Variants in FANCD2 observed in about 807,000 individuals in gnomAD.
FANCD2 encodes the protein FA complementation group D2.
Under a neutral mutation model 192.3 loss-of-function variants are expected in FANCD2, and 131 were observed. That is an observed-to-expected ratio of 0.68 (90% CI 0.59 to 0.79). The LOEUF is 0.79. Among genes scored for constraint, FANCD2 ranks in the 30% least tolerant of loss-of-function variants. FANCD2 has a pLI of 0.00. For missense variants in FANCD2, 1,508 were observed against 1,701.6 expected, an observed-to-expected ratio of 0.89 and a Z score of 2.00; for synonymous variants, 524 against 612.5, an observed-to-expected ratio of 0.86 and a Z score of 2.13.
At position 10,096,334 on chromosome 3, in the gene FANCD2, G is replaced by A. The variant is rs370343891; in HGVS notation, c.4047G>A (p.Gln1349=). The A allele has an allele frequency of 1.2e-6, 2 of 1,613,906 alleles. No homozygotes were observed. Among genetic ancestry groups the A allele is most frequent in the African/African-American group, 2.7e-5 (2 of 74,882 alleles). ...TATTTATTTCCATTCAGATTCACCA[G>A]GACACGAGACTCACCCAACATGTGC... The part of the protein sequence containing the change: ...HHLCGHSKIH[Q]DTRLTQHVPL... Residue 1349 remains glutamine (Q), a synonymous_variant, in exon 42 of 44, where the codon CAG becomes CAA. Transcript: ENST00000675286.
chr3:10,056,490 TTTC>T (rs545951075), intron 18 of FANCD2, among the ~76,000 whole-genome samples: 41 of 152,234 alleles, frequency 2.7e-4, no homozygotes, highest in Non-Finnish European at 4.9e-4. Flanking sequence ...TGTATTTTCC[TTTC>T]TTAAAAATTT....
At chr3:10,066,697 T>C (rs2087727813) in intron 25 of FANCD2, among the ~76,000 whole-genome samples, 1 of 152,144 alleles carries the variant, frequency 6.6e-6, no homozygotes, top group African/African-American at 2.4e-5. Flanking sequence ...TAGTAATAAG[T>C]AAAACTAGGG....
In FANCD2 at chr3:10,090,297, C is replaced by T. The variant is rs773540135; in HGVS notation, c.3689C>T (p.Thr1230Ile). 1.2e-6 allele frequency: 2 copies of T among 1,613,104 alleles called. No homozygotes were observed. Among genetic ancestry groups the T allele is most frequent in the East Asian group, 2.2e-5 (1 of 44,866 alleles). Residue 1230 changes from threonine to isoleucine, a missense_variant, in exon 37 of 44, where the codon ACT (threonine) becomes ATT (isoleucine). By Grantham distance (89) the Thr-to-Ile change is moderately conservative. Coordinates refer to ENST00000675286, the MANE Select transcript of FANCD2 (RefSeq NM_001018115.3). ...SSTFPTLTRHTFVVFFRVMMA... is the reference protein window; with the variant it reads ...SSTFPTLTRHIFVVFFRVMMA... ...ATGCTTTTCCCGTCTTCTAGGCATA[C>T]TTTTGTTGTTTTCTTCCGTGTGATG...
chr3:10,048,637 G>A (rs1296651912), intron 16 of FANCD2, among the ~76,000 whole-genome samples: 1 of 152,172 alleles, frequency 6.6e-6, no homozygotes, highest in African/African-American at 2.4e-5. Context: ...ATCCAGAGAG[G>A]GAGGACTGTA....
chr3:10,078,982 T>A (rs1159577101), intron 30 of FANCD2, among the ~76,000 whole-genome samples: 1 of 151,678 alleles, frequency 6.6e-6, no homozygotes, highest in African/African-American at 2.4e-5. Flanking sequence ...GGTTCACACC[T>A]GTAATTCCAG....
intron 1 of FANCD2, among the ~76,000 whole-genome samples, chr3:10,027,644 G>T (rs1409568966): frequency 6.6e-6 from 1 of 151,244 alleles, no homozygotes; most frequent in South Asian, 2.1e-4. Flanking sequence ...GTTGGCTCAC[G>T]CCTGTAATCC....
chr3:10,036,683 ATTTTTT>A (rs113017725), intron 7 of FANCD2, among the ~76,000 whole-genome samples: 2 of 144,370 alleles, frequency 1.4e-5, no homozygotes, highest in African/African-American at 5.0e-5. Context: ...TCAAAACAGA[ATTTTTT>A]TTTTTTTTTT....
At chr3:10,045,164 G>GTTTTGTTTTGTTTTTGT (rs1553608563) in intron 14 of FANCD2, among the ~76,000 whole-genome samples, 6 of 145,242 alleles carry the variant, frequency 4.1e-5, no homozygotes, top group African/African-American at 1.6e-4. Flanking sequence ...TTTTTGTTTT[G>GTTTTGTTTTGTTTTTGT]TTTTGTTTTT....
intron 26 of FANCD2, among the ~76,000 whole-genome samples, chr3:10,069,587 G>T (rs967951870): frequency 2.0e-5 from 3 of 150,562 alleles, no homozygotes; most frequent in Non-Finnish European, 4.4e-5. Context: ...TCAGCCTGCC[G>T]AGTGCCTGCG....
In FANCD2 at chr3:10,092,199, C is replaced by T. The variant is rs1010539505; in HGVS notation, c.3796C>T (p.Leu1266Phe). Reference protein sequence around the residue: ...DSQQIHEEKLLYWNMAVRDFS... With the variant: ...DSQQIHEEKLFYWNMAVRDFS... The stretch of plus-strand genomic sequence containing the variant: ...GCCCCAGATTCATGAAGAGAAACTC[C>T]TCTACTGGAACATGGCTGTTCGAGA... The change falls in exon 38 of 44, where the codon CTC becomes TTC. Residue 1266 changes from leucine (L) to phenylalanine (F), a missense_variant. Around this residue, in one of 5 missense-constraint regions of FANCD2, gnomAD observed 796 missense variants for 879.4 expected, o/e 0.91. Coordinates refer to ENST00000675286, the MANE Select transcript of FANCD2 (RefSeq NM_001018115.3). The T allele has an allele frequency of 6.2e-7, 1 of 1,614,004 alleles. No individual in the cohort carries two copies. The highest frequency in any genetic ancestry group is 8.5e-7 in the Non-Finnish European group (1 of 1,179,886).
intron 3 of FANCD2, 61 bp from the exon 4 acceptor site, chr3:10,034,408 T>A: frequency 8.4e-7 from 1 of 1,193,834 alleles, no homozygotes; most frequent in Non-Finnish European, 1.3e-6. Flanking sequence ...GAAACTTGGG[T>A]TTTTAGAGAA....
chr3:10,040,699 C>A, intron 9 of FANCD2: 1 of 375,066 alleles, frequency 2.7e-6, no homozygotes, highest in Non-Finnish European at 5.2e-6. Context: ...TTTTATTGTA[C>A]TAGAAGTATT....
At chr3:10,061,663 G>T (rs905311412) in intron 19 of FANCD2, among the ~76,000 whole-genome samples, 1 of 151,954 alleles carries the variant, frequency 6.6e-6, no homozygotes, top group African/African-American at 2.4e-5. Context: ...TTGCTAATTT[G>T]CCCTTAAAAA....
At chr3:10,045,251 C>G (rs964560187) in intron 14 of FANCD2, among the ~76,000 whole-genome samples, 2 of 152,038 alleles carry the variant, frequency 1.3e-5, no homozygotes, top group Admixed American at 1.3e-4. Context: ...TCACTGCAAG[C>G]TCCGCCTCCT....
At position 10,039,155 on chromosome 3, in the gene FANCD2, G is replaced by A. The variant is rs1332388686; in HGVS notation, c.492-124G>A. On this transcript the variant is annotated intron_variant, in intron 7 of 43. Coordinates refer to ENST00000675286, the MANE Select transcript of FANCD2 (RefSeq NM_001018115.3). ...TCACTTGTGTGTCTAGTGCAGTGCC[G>A]AATGCATAGTAGGTGTTCGGTAAAT... is the stretch of plus-strand genomic sequence containing the variant. 5.3e-5 allele frequency: 34 copies of A among 644,276 alleles called. No homozygotes were observed. The South Asian group carries it at 5.3e-4, about 10-fold the overall frequency. The allele number at this position is 644,276 out of a possible 1,614,324, so 39.9% of individuals were successfully genotyped here. A position where few individuals can be genotyped will look rare whatever the true frequency, so the allele number is the denominator to read the frequency against.
rs55804747 is a variant in FANCD2 at position 10,064,664 on chromosome 3, G to C, written c.2022-65G>C. 3.2e-6 allele frequency: 5 copies of C among 1,565,152 alleles called. No individual in the cohort carries two copies. The East Asian group carries it at 1.1e-4, about 35-fold the overall frequency. The stretch of plus-strand genomic sequence containing the variant: ...TTGTGTTTGAAATTGGTTTGCTCTA[G>C]TGGTTTTCCCTGTAGCCTTGCGTAT... On this transcript the variant is annotated intron_variant, in intron 22 of 43. Coordinates refer to ENST00000675286, the MANE Select transcript of FANCD2 (RefSeq NM_001018115.3).
chr3:10,035,300 T>G, intron 6 of FANCD2, 67 bp downstream of exon 6: 1 of 1,339,148 alleles, frequency 7.5e-7, no homozygotes, highest in South Asian at 1.2e-5. Flanking sequence ...CAAGTCTAAA[T>G]AGCGGGAACA....
At chr3:10,065,366 G>T (rs769846364) in intron 23 of FANCD2, 28 bp from the exon 24 acceptor site, 4 of 1,438,584 alleles carry the variant, frequency 2.8e-6, no homozygotes, top group Non-Finnish European at 3.9e-6. Flanking sequence ...TATGAAGTGT[G>T]GTCTAGAAAT....
chr3:10,084,205 G>A (rs563384313), intron 32 of FANCD2, among the ~76,000 whole-genome samples: 162 of 150,642 alleles, frequency 1.1e-3, no homozygotes, highest in African/African-American at 3.9e-3. Flanking sequence ...TCTTGGCCAG[G>A]CTGGTCTTGA....
Sources: gnomAD v4.1 joint callset for allele counts (sites outside exome capture counted in the v4.1 genomes callset) on GRCh38, gnomAD v4.1.1 for gene constraint, gnomAD v4.1.1 regional missense constraint, MANE v1.5 for transcripts, NCBI Gene and HGNC (gene_info 2026-07-23, HGNC 2026-07-21) for gene names.